Variants in IPMK observed in about 807,000 individuals in gnomAD.
The protein encoded by IPMK is inositol polyphosphate multikinase.
Under a neutral mutation model 45.8 loss-of-function variants are expected in IPMK, and 17 were observed. The ratio of observed to expected loss-of-function variants is 0.37; its 90% CI spans 0.25 to 0.56. IPMK has a LOEUF of 0.56. Ranked by LOEUF, IPMK falls within the 20% of genes least tolerant of loss-of-function variation. The pLI, the probability that IPMK is intolerant of heterozygous loss-of-function variation, is 0.79. For missense variants in IPMK, 399 were observed against 498.0 expected (o/e 0.80, Z 1.89); for synonymous variants, 180 against 184.3 (o/e 0.98, Z 0.19).
rs377056246 is a variant in IPMK, at chr10:58,205,746, T to A, written c.547-6425A>T. Among the ~76,000 whole-genome samples, 3 of 152,202 alleles carry A rather than the reference T, an allele frequency of 2.0e-5. No homozygotes were observed. In the South Asian group the frequency reaches 6.2e-4, roughly 31 times the overall value. ...GGTACAATGTACGCTACTCAGGTGA[T>A]GAGTACGCTAAAATCTCAGAATTTA... On this transcript the variant is annotated intron_variant, in intron 4 of 5. Coordinates refer to ENST00000373935, the MANE Select transcript of IPMK (RefSeq NM_152230.5).
Position 58,267,653 on chromosome 10 carries a change from A to G in IPMK, c.-42T>C. On this transcript the variant is annotated 5_prime_UTR_variant, in exon 1 of 6. Coordinates refer to ENST00000373935, the MANE Select transcript of IPMK (RefSeq NM_152230.5). Reference sequence around the variant, plus strand: ...GGTAACGGCAGCGAGAGTAGGAAAAAAAATAGGGCGAGGGAGGGGGCGCCG... The same window carrying G: ...GGTAACGGCAGCGAGAGTAGGAAAAGAAATAGGGCGAGGGAGGGGGCGCCG... 1.4e-6 allele frequency: 2 copies of G among 1,384,252 alleles called. No individual in the cohort carries two copies. Among genetic ancestry groups the G allele is most frequent in the Non-Finnish European group, 2.0e-6 (2 of 997,162 alleles). The allele number at this position is 1,384,252 out of a possible 1,614,324, so 85.7% of individuals were successfully genotyped here.
At chr10:58,251,331 A>G (rs532814796) in intron 1 of IPMK, among the ~76,000 whole-genome samples, 1 of 152,110 alleles carries the variant, frequency 6.6e-6, no homozygotes, top group South Asian at 2.1e-4. Flanking sequence ...TTCTGGGTTT[A>G]TTCTGTGTGG....
rs1838244404 is a variant in IPMK at position 58,216,333 on chromosome 10, A to G, written c.374-16T>C. ...AGGTATAAATCTGTTATTAAAGAAA[A>G]ATATTAATTAGTAATAGGCAAACAT... On this transcript the variant is annotated splice_polypyrimidine_tract_variant and intron_variant, in intron 3 of 5. Coordinates refer to ENST00000373935, the MANE Select transcript of IPMK (RefSeq NM_152230.5). 7.5e-7 allele frequency: 1 copy of G among 1,328,986 alleles called. No homozygotes were observed. Among genetic ancestry groups the G allele is most frequent in the East Asian group, 2.6e-5 (1 of 37,946 alleles). 82.3% of individuals were successfully genotyped at this position (1,328,986 alleles called of 1,614,324 possible).
At chr10:58,235,067 T>A (rs1434511093) in intron 2 of IPMK, among the ~76,000 whole-genome samples, 2 of 152,146 alleles carry the variant, frequency 1.3e-5, no homozygotes, top group African/African-American at 4.8e-5. Flanking sequence ...CATGAAAAAA[T>A]GCTCATCAGC....
intron 1 of IPMK, among the ~76,000 whole-genome samples, chr10:58,249,783 C>T (rs1838855701): frequency 6.6e-6 from 1 of 152,152 alleles, no homozygotes; most frequent in South Asian, 2.1e-4. Flanking sequence ...ACCATTGTCC[C>T]AAAGCATTTC....
At chr10:58,202,508 T>A (rs748641929) in intron 4 of IPMK, among the ~76,000 whole-genome samples, 61 of 152,072 alleles carry the variant, frequency 4.0e-4, no homozygotes, top group Non-Finnish European at 6.9e-4. Context: ...CTACAAAAAA[T>A]TTAAAAATTA....
chr10:58,248,580 A>G (rs1001109395), intron 1 of IPMK, among the ~76,000 whole-genome samples: 1 of 152,162 alleles, frequency 6.6e-6, no homozygotes, highest in Non-Finnish European at 1.5e-5. Context: ...TCTTCTAGCT[A>G]TTTTGAAATA....
rs1357051182 is a variant in IPMK, at chr10:58,192,303, C to T, written c.*3773G>A. On this transcript the variant is annotated 3_prime_UTR_variant, in exon 6 of 6. Transcript: ENST00000373935. ...AAAATACAGTAAAGAAGATGCAGCTCATTTGCTTGGGAATATGTAATGGAA... is the reference window on the plus strand; with the variant it reads ...AAAATACAGTAAAGAAGATGCAGCTTATTTGCTTGGGAATATGTAATGGAA... The T allele has an allele frequency of 6.6e-6, 1 of 151,930 alleles. No homozygotes were observed. The highest frequency in any genetic ancestry group is 2.4e-5 in the African/African-American group (1 of 41,414). The allele number at this position is 151,930 out of a possible 1,614,324, so 9.4% of individuals were successfully genotyped here.
chr10:58,265,653 A>T (rs1002744805), intron 1 of IPMK, among the ~76,000 whole-genome samples: 2 of 152,308 alleles, frequency 1.3e-5, no homozygotes, highest in African/African-American at 4.8e-5. Context: ...TACTCAAAAG[A>T]CCCTTATGAA....
chr10:58,199,473 G>T (rs986189014), intron 4 of IPMK, 152 bp from the exon 5 acceptor site: 9 of 493,928 alleles, frequency 1.8e-5, no homozygotes, highest in Non-Finnish European at 2.8e-5. Context: ...TATATCAATG[G>T]ATGCTGAAAA....
intron 1 of IPMK, among the ~76,000 whole-genome samples, chr10:58,255,603 A>G (rs1588972537): frequency 6.6e-6 from 1 of 151,992 alleles, no homozygotes; most frequent in South Asian, 2.1e-4. Context: ...GGGATCTTCT[A>G]TTCTGCCATC....
chr10:58,209,795 T>C (rs1371119905), intron 4 of IPMK, among the ~76,000 whole-genome samples: 3 of 152,208 alleles, frequency 2.0e-5, no homozygotes, highest in Non-Finnish European at 4.4e-5. Flanking sequence ...TTGGAGGCAG[T>C]AGCTTTAGCG....
chr10:58,262,219 T>C (rs149815604), intron 1 of IPMK, among the ~76,000 whole-genome samples: 2 of 152,292 alleles, frequency 1.3e-5, no homozygotes, highest in East Asian at 1.9e-4. Context: ...GTTGTGCACA[T>C]GTACCCCAGA....
chr10:58,266,999 T>C (rs1839156871), intron 1 of IPMK, among the ~76,000 whole-genome samples: 1 of 152,230 alleles, frequency 6.6e-6, no homozygotes, highest in South Asian at 2.1e-4. Flanking sequence ...AGAGAAGTAC[T>C]AGATTAGCAT....
rs373635028 is a variant in IPMK at position 58,244,117 on chromosome 10, G to A, written c.191-6303C>T. 1.1e-4 allele frequency among the ~76,000 whole-genome samples: 16 copies of A among 140,668 alleles called. No homozygotes were observed. The East Asian group carries it at 1.4e-3, about 12-fold the overall frequency. 92.3% of individuals were successfully genotyped at this position (140,668 alleles called of 152,430 possible). ...CGGCCGCCCCGTCTGGGAAGTGGGC[G>A]CCTCTGCCTGGCCACCCTGTCTGGG... On this transcript the variant is annotated intron_variant, in intron 1 of 5. Coordinates refer to ENST00000373935, the MANE Select transcript of IPMK (RefSeq NM_152230.5).
rs894932751 is a variant in IPMK, at chr10:58,217,359, G to A, written c.374-1042C>T. The stretch of plus-strand genomic sequence containing the variant: ...CAGGGTCCAGGTCCCAAGGGAAACA[G>A]TAAGGAAAGAAATTCTTCCCTCCTT... On this transcript the variant is annotated intron_variant, in intron 3 of 5. Coordinates refer to ENST00000373935, the MANE Select transcript of IPMK (RefSeq NM_152230.5). 2.6e-5 allele frequency among the ~76,000 whole-genome samples: 4 copies of A among 151,968 alleles called. No individual in the cohort carries two copies. In the East Asian group the frequency reaches 7.8e-4, roughly 29 times the overall value.
intron 2 of IPMK, among the ~76,000 whole-genome samples, chr10:58,237,013 T>C (rs1485404513): frequency 1.3e-5 from 2 of 152,110 alleles, no homozygotes; most frequent in Non-Finnish European, 2.9e-5. Flanking sequence ...GAGGCAGAGG[T>C]TGCAATGAAT....
chr10:58,230,430 T>C (rs907178663), intron 2 of IPMK, among the ~76,000 whole-genome samples: 1 of 152,180 alleles, frequency 6.6e-6, no homozygotes, highest in African/African-American at 2.4e-5. Flanking sequence ...TATAGGCGGC[T>C]GCCCCTCTCG....
chr10:58,233,423 A>G (rs1294269437), intron 2 of IPMK, among the ~76,000 whole-genome samples: 2 of 152,224 alleles, frequency 1.3e-5, no homozygotes, highest in South Asian at 2.1e-4. Context: ...AAAATCCTCA[A>G]TAAAATACTG....
Sources: gnomAD v4.1 joint callset for allele counts (sites outside exome capture counted in the v4.1 genomes callset) on GRCh38, gnomAD v4.1.1 for gene constraint, MANE v1.5 for transcripts, NCBI Gene and HGNC (gene_info 2026-07-23, HGNC 2026-07-21) for gene names.